The following PDZRN4 variants were observed in gnomAD, a reference collection of about 807,000 sequenced individuals.
PDZRN4 encodes the protein PDZ domain containing ring finger 4.
Under a neutral mutation model 99.0 loss-of-function variants are expected in PDZRN4, and 70 were observed. The observed-to-expected ratio is 0.71, with a 90% CI of 0.58 to 0.86. The LOEUF (loss-of-function observed/expected upper bound fraction) is 0.86, where lower values mean the gene tolerates loss of function less well. PDZRN4 is among the 40% of genes least tolerant of loss of function. PDZRN4 has a pLI of 0.00. For synonymous variants in PDZRN4, 551 were observed against 501.6 expected, an observed-to-expected ratio of 1.10 and a Z score of -1.32; for missense variants, 1,474 against 1,331.2, an observed-to-expected ratio of 1.11 and a Z score of -1.67.
At chr12:41,553,181 C>T (rs918411623) in intron 6 of PDZRN4, among the ~76,000 whole-genome samples, 14 of 152,168 alleles carry the variant, frequency 9.2e-5, no homozygotes, top group African/African-American at 3.4e-4. Flanking sequence ...CTGCTGATGG[C>T]ATTGATACAG....
At chr12:41,309,924 C>T (rs1013356262) in intron 3 of PDZRN4, among the ~76,000 whole-genome samples, 5 of 151,814 alleles carry the variant, frequency 3.3e-5, no homozygotes, top group African/African-American at 7.3e-5. Context: ...TGAGAGACTT[C>T]GTCCTTTCTT....
intron 3 of PDZRN4, among the ~76,000 whole-genome samples, chr12:41,486,861 C>A (rs568222756): frequency 2.2e-4 from 33 of 152,238 alleles, no homozygotes; most frequent in Non-Finnish European, 3.4e-4. Flanking sequence ...CTGGGGTACA[C>A]AAATGTGTCA....
chr12:41,323,270 A>G (rs1951691694), intron 3 of PDZRN4, among the ~76,000 whole-genome samples: 1 of 152,218 alleles, frequency 6.6e-6, no homozygotes, highest in Non-Finnish European at 1.5e-5. Flanking sequence ...ATTTAAATAA[A>G]GTAATTCTTC....
intron 3 of PDZRN4, among the ~76,000 whole-genome samples, chr12:41,196,003 T>C (rs1277999276): frequency 6.6e-6 from 1 of 152,144 alleles, no homozygotes; most frequent in Non-Finnish European, 1.5e-5. Flanking sequence ...TAACTTATTC[T>C]AGCTAGATGA....
At chr12:41,566,498 A>T (rs1482754602) in intron 8 of PDZRN4, among the ~76,000 whole-genome samples, 1 of 152,188 alleles carries the variant, frequency 6.6e-6, no homozygotes, top group Non-Finnish European at 1.5e-5. Flanking sequence ...AGTCACAGGA[A>T]TTTGATCAAA....
At chr12:41,314,919 A>G (rs1951628910) in intron 3 of PDZRN4, among the ~76,000 whole-genome samples, 1 of 152,116 alleles carries the variant, frequency 6.6e-6, no homozygotes, top group Non-Finnish European at 1.5e-5. Flanking sequence ...CAGAATTCAA[A>G]TATCCATGTA....
intron 5 of PDZRN4, among the ~76,000 whole-genome samples, chr12:41,535,993 A>C (rs1219735111): frequency 6.6e-6 from 1 of 152,122 alleles, no homozygotes; most frequent in South Asian, 2.1e-4. Flanking sequence ...TTTCTTGTTC[A>C]CTAAGAGTAT....
intron 5 of PDZRN4, among the ~76,000 whole-genome samples, chr12:41,545,632 G>A (rs1158593143): frequency 1.3e-5 from 2 of 151,392 alleles, no homozygotes; most frequent in Non-Finnish European, 2.9e-5. Flanking sequence ...ATAAATTCTT[G>A]AAAAATAATA....
At chr12:41,485,432 C>A (rs1305353906) in intron 3 of PDZRN4, among the ~76,000 whole-genome samples, 1 of 152,146 alleles carries the variant, frequency 6.6e-6, no homozygotes, top group Non-Finnish European at 1.5e-5. Flanking sequence ...CATGCCAGGA[C>A]TCACCGGAGG....
Position 41,227,910 on chromosome 12 carries a change from CA to C in PDZRN4, c.843+33723del, listed in dbSNP as rs1566375572. On this transcript the variant is annotated intron_variant, in intron 3 of 9. Transcript: ENST00000402685. ...ACACACACACACACACACACACACA[CA>C]CACACACACCAGAAGGGTTGAAATG... Among the ~76,000 whole-genome samples the C allele has an allele frequency of 7.9e-3, 1,192 of 150,296 alleles. 12 individuals are homozygous for C. The highest frequency in any genetic ancestry group is 0.024 in the South Asian group (112 of 4,742).
chr12:41,293,624 C>G (rs1031070279), intron 3 of PDZRN4, among the ~76,000 whole-genome samples: 1 of 152,100 alleles, frequency 6.6e-6, no homozygotes, highest in East Asian at 1.9e-4. Context: ...GTATGTTGTA[C>G]TCCAAGTAGA....
intron 3 of PDZRN4, among the ~76,000 whole-genome samples, chr12:41,408,618 G>A (rs935293555): frequency 3.9e-5 from 6 of 152,200 alleles, no homozygotes. Flanking sequence ...CTGGAGGTCT[G>A]CTGAAGACTT....
chr12:41,366,403 C>T (rs1952000658), intron 3 of PDZRN4, among the ~76,000 whole-genome samples: 1 of 152,048 alleles, frequency 6.6e-6, no homozygotes, highest in Non-Finnish European at 1.5e-5. Context: ...TCACTGACAT[C>T]ACATTATCAG....
chr12:41,239,268 A>C (rs1951088352), intron 3 of PDZRN4, among the ~76,000 whole-genome samples: 2 of 152,136 alleles, frequency 1.3e-5, no homozygotes, highest in Non-Finnish European at 2.9e-5. Context: ...AATGATGAGA[A>C]CACATGGACA....
intron 3 of PDZRN4, among the ~76,000 whole-genome samples, chr12:41,448,187 C>T (rs769147273): frequency 3.1e-4 from 47 of 152,114 alleles, no homozygotes; most frequent in Non-Finnish European, 6.6e-4. Flanking sequence ...TGAAAGGTTC[C>T]TCGCAATCTG....
At chr12:41,226,237 G>A (rs996770898) in intron 3 of PDZRN4, among the ~76,000 whole-genome samples, 15 of 152,168 alleles carry the variant, frequency 9.9e-5, no homozygotes, top group Admixed American at 7.2e-4. Context: ...GTGAGCATTT[G>A]CCTGATCACC....
chr12:41,285,862 G>T (rs1331328072), intron 3 of PDZRN4, among the ~76,000 whole-genome samples: 1 of 151,842 alleles, frequency 6.6e-6, no homozygotes, highest in Non-Finnish European at 1.5e-5. Flanking sequence ...GGGGTGGTGG[G>T]CAAGGGGAGG....
intron 3 of PDZRN4, among the ~76,000 whole-genome samples, chr12:41,439,892 C>G (rs1262841754): frequency 2.0e-5 from 3 of 152,152 alleles, no homozygotes; most frequent in African/African-American, 7.2e-5. Context: ...CAGTTTGTCC[C>G]CAGCTTTGCC....
intron 3 of PDZRN4, among the ~76,000 whole-genome samples, chr12:41,201,705 A>G (rs747863435): frequency 4.8e-4 from 73 of 152,090 alleles, no homozygotes; most frequent in Non-Finnish European, 5.0e-4. Context: ...CTCTCCTGTA[A>G]CATCCGATTC....
Sources: gnomAD v4.1 joint callset for allele counts (sites outside exome capture counted in the v4.1 genomes callset) on GRCh38, gnomAD v4.1.1 for gene constraint, MANE v1.5 for transcripts, NCBI Gene and HGNC (gene_info 2026-07-23, HGNC 2026-07-21) for gene names.